CASZ1: variants seen among roughly 807,000 people sequenced by gnomAD.
The protein encoded by CASZ1 is zinc finger protein castor homolog 1.
In CASZ1, 28 loss-of-function variants were observed where a neutral mutation model predicts 135.2. That is an observed-to-expected ratio of 0.21 (90% CI 0.15 to 0.28). The LOEUF (loss-of-function observed/expected upper bound fraction) is 0.28, where lower values mean the gene tolerates loss of function less well. Among genes scored for constraint, CASZ1 ranks in the 10% least tolerant of loss-of-function variants. CASZ1 has a pLI of 1.00. For synonymous variants in CASZ1, 1,068 were observed against 1,073.4 expected (o/e 0.99, Z 0.10); for missense variants, 2,161 against 2,453.3 (o/e 0.88, Z 2.52).
chr1:10,658,926 G>A (rs1245405309), intron 6 of CASZ1, among the ~76,000 whole-genome samples: 1 of 152,186 alleles, frequency 6.6e-6, no homozygotes, highest in African/African-American at 2.4e-5. Flanking sequence ...TTCGAGGTGG[G>A]GGCAGGCAGC....
chr1:10,694,697 G>A lies in CASZ1; in HGVS notation c.-23-785C>T, dbSNP rs1333636289. ...GCGCTCGCTCGCGCCCCCGCCGCGCGCCCCCGCCGCGCGCGCCCGCGCCGC... is the reference window on the plus strand; with the variant it reads ...GCGCTCGCTCGCGCCCCCGCCGCGCACCCCCGCCGCGCGCGCCCGCGCCGC... On this transcript the variant is annotated intron_variant, in intron 3 of 20. Transcript: ENST00000377022. This position sits in a 1 kb window ranked among gnomAD's most constrained non-coding sequence, Gnocchi z 6.6. Among the ~76,000 whole-genome samples the A allele has an allele frequency of 7.0e-6, 1 of 143,028 alleles. No individual in the cohort carries two copies. Among genetic ancestry groups the A allele is most frequent in the Non-Finnish European group, 1.5e-5 (1 of 64,714 alleles). 93.8% of individuals were successfully genotyped at this position (143,028 alleles called of 152,430 possible).
intron 2 of CASZ1, among the ~76,000 whole-genome samples, chr1:10,754,158 C>A (rs1427709582): frequency 6.6e-6 from 1 of 152,228 alleles, no homozygotes; most frequent in African/African-American, 2.4e-5. Flanking sequence ...GTGACCCCTT[C>A]CCTGGGAGCC....
chr1:10,766,442 G>A (rs1298756771), intron 1 of CASZ1, among the ~76,000 whole-genome samples: 1 of 152,202 alleles, frequency 6.6e-6, no homozygotes, highest in Non-Finnish European at 1.5e-5. Flanking sequence ...GGATTAAATG[G>A]CTTCTTACGT....
intron 8 of CASZ1, 84 bp from the exon 9 acceptor site, chr1:10,655,897 G>A: frequency 7.0e-7 from 1 of 1,424,674 alleles, no homozygotes; most frequent in African/African-American, 1.4e-5. Flanking sequence ...CCTGGGCCAG[G>A]TGCTGGCCTC....
chr1:10,756,882 A>G lies in CASZ1; in HGVS notation c.-77+3819T>C, dbSNP rs1055573697. Among the ~76,000 whole-genome samples, 4 of 152,200 alleles carry G rather than the reference A, an allele frequency of 2.6e-5. No individual in the cohort carries two copies. Among genetic ancestry groups the G allele is most frequent in the Non-Finnish European group, 4.4e-5 (3 of 68,036 alleles). On this transcript the variant is annotated intron_variant, in intron 2 of 20. Coordinates refer to ENST00000377022, the MANE Select transcript of CASZ1 (RefSeq NM_001079843.3). This position sits in a 1 kb window ranked among gnomAD's most constrained non-coding sequence, Gnocchi z 5.9. ...CCGGCACGTGGAAAAAGGTGTGCAGAAGCTCAGCCCTTGAGCGCACAGATC... is the reference window on the plus strand; with the variant it reads ...CCGGCACGTGGAAAAAGGTGTGCAGGAGCTCAGCCCTTGAGCGCACAGATC...
At chr1:10,790,994 T>C (rs1330373841) in intron 1 of CASZ1, among the ~76,000 whole-genome samples, 1 of 151,736 alleles carries the variant, frequency 6.6e-6, no homozygotes, top group Non-Finnish European at 1.5e-5. Context: ...AAAAATTTGC[T>C]TCTACCTTCC....
intron 2 of CASZ1, among the ~76,000 whole-genome samples, chr1:10,749,987 G>C (rs1640119853): frequency 6.6e-6 from 1 of 152,138 alleles, no homozygotes; most frequent in African/African-American, 2.4e-5. Flanking sequence ...AGGTGGAGTG[G>C]TGGCTTGCAA....
At position 10,727,304 on chromosome 1, in the gene CASZ1, C is replaced by T. The variant is rs953414772; in HGVS notation, c.-76-21760G>A. 6.6e-6 allele frequency among the ~76,000 whole-genome samples: 1 copy of T among 152,084 alleles called. No individual in the cohort carries two copies. The highest frequency in any genetic ancestry group is 2.4e-5 in the African/African-American group (1 of 41,384). ...TTGAGCCCAGCCCCAGCCCCCACTC[C>T]AGGTCATCGGCCATCCAGCTCTTCA... On this transcript the variant is annotated intron_variant, in intron 2 of 20. Coordinates refer to ENST00000377022, the MANE Select transcript of CASZ1 (RefSeq NM_001079843.3). The surrounding 1 kb of genome is among the most constrained non-coding windows in gnomAD (Gnocchi z 5.3).
At chr1:10,675,796 C>G (rs1458084616) in intron 4 of CASZ1, among the ~76,000 whole-genome samples, 1 of 85,856 alleles carries the variant, frequency 1.2e-5, no homozygotes, top group Non-Finnish European at 2.0e-5. Context: ...CACATGACCC[C>G]CCCCCCACCC....
In CASZ1 at chr1:10,643,169, G is replaced by A. The variant is rs760087186; in HGVS notation, c.4011C>T (p.Pro1337=). The A allele has an allele frequency of 1.2e-5, 20 of 1,611,282 alleles. No individual in the cohort carries two copies. Among genetic ancestry groups the A allele is most frequent in the Non-Finnish European group, 1.6e-5 (19 of 1,179,786 alleles). ...TGGGGGGGGCTCTCACCTGGGAGGGGGGCACGCGGTCGAAGTTCTTCCCCA... is the reference window on the plus strand; with the variant it reads ...TGGGGGGGGCTCTCACCTGGGAGGGAGGCACGCGGTCGAAGTTCTTCCCCA... ...RMLGKNFDRV[P]PSQGPPGLMD... is the part of the protein sequence containing the mutation. The change falls in exon 19 of 21, where the codon CCC becomes CCT. Residue 1337 remains proline (P), a synonymous_variant. Transcript: ENST00000377022.
rs779013289 is a variant in CASZ1, at chr1:10,739,538, C to T, written c.-77+21163G>A. 3.3e-5 allele frequency among the ~76,000 whole-genome samples: 5 copies of T among 152,162 alleles called. No homozygotes were observed. Among genetic ancestry groups the T allele is most frequent in the Non-Finnish European group, 5.9e-5 (4 of 68,026 alleles). ...CCAGACCTTTCCCTGAGCCCTCCGC[C>T]CCCCGGGCCCACTCCCCGTTCTCCC... On this transcript the variant is annotated intron_variant, in intron 2 of 20. Transcript: ENST00000377022. This position sits in a 1 kb window ranked among gnomAD's most constrained non-coding sequence, Gnocchi z 4.8.
Position 10,745,916 on chromosome 1 carries a change from GA to G in CASZ1, c.-77+14784del, listed in dbSNP as rs1037511368. Among the ~76,000 whole-genome samples, 32 of 152,254 alleles carry G rather than the reference GA, an allele frequency of 2.1e-4. 1 individual carries two copies. Among genetic ancestry groups the G allele is most frequent in the Admixed American group, 1.0e-3 (16 of 15,298 alleles). Reference sequence around the variant, plus strand: ...AAACACAAGGTGTGGATCAAGAGGGGAAAAGGAGGCCTGGTGGCCGTGGTGC... The same window carrying G: ...AAACACAAGGTGTGGATCAAGAGGGGAAAGGAGGCCTGGTGGCCGTGGTGC... On this transcript the variant is annotated intron_variant, in intron 2 of 20. Transcript: ENST00000377022.
rs1428025284 is a variant in CASZ1, at chr1:10,637,719, G to C, written c.*1223C>G. On this transcript the variant is annotated 3_prime_UTR_variant, in exon 21 of 21. Transcript: ENST00000377022. The stretch of plus-strand genomic sequence containing the variant: ...TCAGGCCCTGGCCCGGGCTTCGATG[G>C]CATCATCATCTCCAGGAAGGGGGAT... The C allele has an allele frequency of 6.6e-6, 1 of 152,316 alleles. No homozygotes were observed. The highest frequency in any genetic ancestry group is 2.4e-5 in the African/African-American group (1 of 41,404). 9.4% of individuals were successfully genotyped at this position (152,316 alleles called of 1,614,324 possible). A position where few individuals can be genotyped will look rare whatever the true frequency, so the allele number is the denominator to read the frequency against.
rs995410992 is a variant in CASZ1 at position 10,649,711 on chromosome 1, C to T, written c.2881-274G>A. Reference sequence around the variant, plus strand: ...GGATCCATCACTCAAGCCGAGGCCGCGACTCAGGGTGCACGCTGCAGCCCA... The same window carrying T: ...GGATCCATCACTCAAGCCGAGGCCGTGACTCAGGGTGCACGCTGCAGCCCA... On this transcript the variant is annotated intron_variant, in intron 13 of 20. Transcript: ENST00000377022. The T allele has an allele frequency of 3.6e-5, 15 of 420,348 alleles. No individual in the cohort carries two copies. The Admixed American group carries it at 4.1e-4, about 12-fold the overall frequency. The allele number at this position is 420,348 out of a possible 1,614,324, so 26.0% of individuals were successfully genotyped here.
Position 10,724,339 on chromosome 1 carries a change from A to AC in CASZ1, c.-76-18796dup, listed in dbSNP as rs2100492419. Among the ~76,000 whole-genome samples the AC allele has an allele frequency of 6.6e-6, 1 of 152,332 alleles. No individual in the cohort carries two copies. The highest frequency in any genetic ancestry group is 1.9e-4 in the East Asian group (1 of 5,186). Reference sequence around the variant, plus strand: ...TTACCAAGTCACTACTAAAATATTTACCAGCCTGGCGAAGTGCCGAAGGTG... The same window carrying AC: ...TTACCAAGTCACTACTAAAATATTTACCCAGCCTGGCGAAGTGCCGAAGGTG... On this transcript the variant is annotated intron_variant, in intron 2 of 20. Coordinates refer to ENST00000377022, the MANE Select transcript of CASZ1 (RefSeq NM_001079843.3). This position sits in a 1 kb window ranked among gnomAD's most constrained non-coding sequence, Gnocchi z 4.1.
Position 10,665,142 on chromosome 1 carries a change from T to G in CASZ1, c.446A>C (p.Lys149Thr). Residue 149 changes from lysine (K) to threonine (T), a missense_variant, in exon 5 of 21, where the codon AAG becomes ACG. This residue lies in a region of CASZ1 where 590 missense variants were observed against 609.8 expected (regional missense o/e 0.97). Coordinates refer to ENST00000377022, the MANE Select transcript of CASZ1 (RefSeq NM_001079843.3). ...PSKDGGALEEKDSDGAASKED... is the reference protein window; with the variant it reads ...PSKDGGALEETDSDGAASKED... ...CTTGGAGGCTGCCCCGTCCGAATCC[T>G]TCTCCTCCAGGGCACCGCCGTCCTT... The G allele has an allele frequency of 6.5e-7, 1 of 1,531,666 alleles. No homozygotes were observed. Among genetic ancestry groups the G allele is most frequent in the Non-Finnish European group, 8.8e-7 (1 of 1,137,806 alleles). 94.9% of individuals were successfully genotyped at this position (1,531,666 alleles called of 1,614,324 possible).
chr1:10,654,399 C>A lies in CASZ1; in HGVS notation c.1838+20G>T. 2 of 1,610,188 alleles carry A rather than the reference C, an allele frequency of 1.2e-6. No homozygotes were observed. The highest frequency in any genetic ancestry group is 1.7e-6 in the Non-Finnish European group (2 of 1,177,310). ...CTCCCCGCTTCTGCCCACGAAGGCC[C>A]CCACCAGGCTCCCGCTTACCTGCAG... On this transcript the variant is annotated intron_variant, in intron 10 of 20. Coordinates refer to ENST00000377022, the MANE Select transcript of CASZ1 (RefSeq NM_001079843.3).
intron 4 of CASZ1, among the ~76,000 whole-genome samples, chr1:10,670,444 C>T (rs577265845): frequency 3.9e-4 from 60 of 152,342 alleles, no homozygotes; most frequent in African/African-American, 1.4e-3. Context: ...GGGCGGCTGC[C>T]GGGGCTTCCA....
At chr1:10,682,723 C>T (rs916180276) in intron 4 of CASZ1, among the ~76,000 whole-genome samples, 6 of 152,214 alleles carry the variant, frequency 3.9e-5, no homozygotes, top group African/African-American at 1.4e-4. Context: ...GAAAACATCT[C>T]CATCTCCTTC....
Sources: allele counts gnomAD v4.1 joint callset (sites outside exome capture counted in the v4.1 genomes callset), GRCh38; gene constraint gnomAD v4.1.1; regional missense constraint gnomAD v4.1.1; non-coding constraint Gnocchi (gnomAD v3.1); transcripts MANE v1.5; gene names NCBI Gene and HGNC (gene_info 2026-07-23, HGNC 2026-07-21).